ZNF451: variants seen among roughly 807,000 people sequenced by gnomAD.
ZNF451 encodes the protein zinc finger protein 451.
Under a neutral mutation model 107.1 loss-of-function variants are expected in ZNF451, and 80 were observed. The observed-to-expected ratio is 0.75, with a 90% confidence interval of 0.62 to 0.90. The LOEUF (loss-of-function observed/expected upper bound fraction) is 0.90. Ranked by LOEUF, ZNF451 falls within the 40% of genes least tolerant of loss-of-function variation. The pLI, the probability that ZNF451 is intolerant of heterozygous loss-of-function variation, is 0.00. For synonymous variants in ZNF451, 362 were observed against 406.5 expected, an observed-to-expected ratio of 0.89 and a Z score of 1.32; for missense variants, 1,107 against 1,236.2, an observed-to-expected ratio of 0.90 and a Z score of 1.57.
At chr6:57,129,731 C>T (rs1471301223) in intron 5 of ZNF451, among the ~76,000 whole-genome samples, 1 of 152,110 alleles carries the variant, frequency 6.6e-6, no homozygotes, top group African/African-American at 2.4e-5. Flanking sequence ...AGACACTTGG[C>T]ACCCCCTGAA....
rs398001706 is a variant in ZNF451 at position 57,163,436 on chromosome 6, C to CTTTTTTTTTTTTTTTTTTTTTTTTTT, written c.3139+2291_3139+2316dup. ...AATGGTTGCTTGTTAAATGAATAAA[C>CTTTTTTTTTTTTTTTTTTTTTTTTTT]TTTTTTTTTTTTTTTTTTTTTTTTT... On this transcript the variant is annotated intron_variant, in intron 14 of 14. Transcript: ENST00000370706. 4.6e-4 allele frequency among the ~76,000 whole-genome samples: 14 copies of CTTTTTTTTTTTTTTTTTTTTTTTTTT among 30,340 alleles called. 5 individuals carry two copies. Among genetic ancestry groups the CTTTTTTTTTTTTTTTTTTTTTTTTTT allele is most frequent in the Non-Finnish European group, 8.5e-4 (14 of 16,452 alleles). 19.9% of individuals were successfully genotyped at this position (30,340 alleles called of 152,430 possible).
At chr6:57,102,452 C>G (rs1829652975) in intron 3 of ZNF451, 1 of 1,003,010 alleles carries the variant, frequency 1.0e-6, no homozygotes, top group African/African-American at 1.7e-5. Context: ...TATTTGTAAA[C>G]TGAGGACTAG....
chr6:57,124,336 G>A (rs1269365420), intron 3 of ZNF451: 1 of 694,302 alleles, frequency 1.4e-6, no homozygotes, highest in African/African-American at 1.8e-5. Context: ...GCATCCATTA[G>A]AGTTTAGTTT....
At chr6:57,151,158 G>A (rs1832326758) in intron 11 of ZNF451, 1 of 211,574 alleles carries the variant, frequency 4.7e-6, no homozygotes, top group Non-Finnish European at 9.4e-6. Flanking sequence ...TCAGAAGATC[G>A]AGACCATCCT....
chr6:57,133,040 A>G lies in ZNF451; in HGVS notation c.425-2A>G. 6.2e-7 allele frequency: 1 copy of G among 1,614,060 alleles called. No individual in the cohort carries two copies. Among genetic ancestry groups the G allele is most frequent in the Non-Finnish European group, 8.5e-7 (1 of 1,179,942 alleles). On this transcript the variant is annotated splice_acceptor_variant, in intron 5 of 14. Coordinates refer to ENST00000370706, the MANE Select transcript of ZNF451 (RefSeq NM_001031623.3). LOFTEE classifies it high-confidence loss of function. ...CTAAGAATTCATATTCTGATGATGC[A>G]GGACTCAAAACAGGCACAATTAATT...
At chr6:57,146,239 T>C (rs907175330) in intron 9 of ZNF451, among the ~76,000 whole-genome samples, 1 of 152,172 alleles carries the variant, frequency 6.6e-6, no homozygotes, top group Admixed American at 6.5e-5. Context: ...GTTGTCTGTT[T>C]ATTCTCTTGA....
At position 57,153,197 on chromosome 6, in the gene ZNF451, T is replaced by G. The variant is rs576740197; in HGVS notation, c.2884-664T>G. Among the ~76,000 whole-genome samples the G allele has an allele frequency of 1.2e-4, 18 of 152,334 alleles. No individual in the cohort carries two copies. In the South Asian group the frequency reaches 3.7e-3, roughly 32 times the overall value. On this transcript the variant is annotated intron_variant, in intron 12 of 14. Transcript: ENST00000370706. ...GATTGAATCATGCAAATTGCCTTGC[T>G]TACCTTTTCTCTATGGCAGATTTAT...
chr6:57,150,975 A>C (rs920123533), intron 11 of ZNF451, 113 bp downstream of exon 11: 2 of 1,271,806 alleles, frequency 1.6e-6, no homozygotes, highest in South Asian at 2.9e-5. Flanking sequence ...CATAATTGGA[A>C]TATTGTTCTT....
chr6:57,124,967 T>C (rs1225632641), intron 4 of ZNF451, 108 bp downstream of exon 4: 2 of 660,242 alleles, frequency 3.0e-6, no homozygotes, highest in Non-Finnish European at 4.4e-6. Flanking sequence ...AAGCTCAGTA[T>C]GTACCCTAGA....
At chr6:57,136,128 G>A (rs961913077) in intron 7 of ZNF451, among the ~76,000 whole-genome samples, 3 of 152,130 alleles carry the variant, frequency 2.0e-5, no homozygotes, top group Non-Finnish European at 4.4e-5. Context: ...GAGAGCCTGC[G>A]TCTTGTTCAA....
chr6:57,134,621 A>G, intron 6 of ZNF451, 123 bp from the exon 7 acceptor site: 1 of 744,250 alleles, frequency 1.3e-6, no homozygotes, highest in East Asian at 2.7e-5. Flanking sequence ...TTAATATTTC[A>G]GTAGAAAAGT....
intron 3 of ZNF451, chr6:57,109,175 T>G (rs992457952): frequency 8.1e-6 from 8 of 985,458 alleles, no homozygotes; most frequent in Non-Finnish European, 9.6e-6. Context: ...GGACTAAGAT[T>G]ATTCTTGATT....
At chr6:57,140,539 C>G (rs759631481) in intron 7 of ZNF451, among the ~76,000 whole-genome samples, 1 of 151,726 alleles carries the variant, frequency 6.6e-6, no homozygotes, top group Non-Finnish European at 1.5e-5. Flanking sequence ...TTTTAATATT[C>G]AAATATATAT....
In ZNF451 at chr6:57,095,612, C is replaced by T. The variant is rs149665967; in HGVS notation, c.106-3449C>T. On this transcript the variant is annotated intron_variant, in intron 2 of 14. Coordinates refer to ENST00000370706, the MANE Select transcript of ZNF451 (RefSeq NM_001031623.3). ...CCTCCCAAAGTGCTGGGATTATAGG[C>T]GTGATCTACCACGCTCGTCTGGATT... 3.8e-3 allele frequency among the ~76,000 whole-genome samples: 571 copies of T among 152,114 alleles called. 4 individuals are homozygous for T. Among genetic ancestry groups the T allele is most frequent in the Non-Finnish European group, 4.4e-3 (297 of 67,992 alleles).
At chr6:57,119,785 T>C (rs552640490) in intron 3 of ZNF451, among the ~76,000 whole-genome samples, 22 of 152,314 alleles carry the variant, frequency 1.4e-4, no homozygotes, top group Non-Finnish European at 5.9e-5. Flanking sequence ...GCATAAGATA[T>C]ACTTTCTATT....
chr6:57,106,308 C>CTTTTTTTTTTTTTTTTTTTTTTTTT (rs762834645), intron 3 of ZNF451: 1 of 689,256 alleles, frequency 1.5e-6, no homozygotes, highest in Non-Finnish European at 1.7e-6. Context: ...TAAGTGAAAT[C>CTTTTTTTTTTTTTTTTTTTTTTTTT]TTTTTTTTTT....
intron 9 of ZNF451, among the ~76,000 whole-genome samples, chr6:57,146,363 A>G (rs1394272195): frequency 6.6e-6 from 1 of 152,100 alleles, no homozygotes; most frequent in Non-Finnish European, 1.5e-5. Context: ...ATTGTCCGGA[A>G]GGGGTTTTCC....
intron 3 of ZNF451, chr6:57,101,253 A>G (rs1446259564): frequency 9.7e-6 from 15 of 1,551,000 alleles, no homozygotes; most frequent in Non-Finnish European, 1.3e-5. Context: ...TACAATCTGA[A>G]GCGGAGTCAT....
At chr6:57,108,080 C>G (rs1254549316) in intron 3 of ZNF451, 1 of 820,832 alleles carries the variant, frequency 1.2e-6, no homozygotes, top group African/African-American at 1.9e-5. Context: ...ACCTTGTGAT[C>G]CACCTACCTT....
Sources: allele counts gnomAD v4.1 joint callset (sites outside exome capture counted in the v4.1 genomes callset), GRCh38; gene constraint gnomAD v4.1.1; transcripts MANE v1.5; gene names NCBI Gene and HGNC (gene_info 2026-07-23, HGNC 2026-07-21).